ARHGAP28: variants seen among roughly 807,000 people sequenced by gnomAD.
ARHGAP28 encodes rho GTPase-activating protein 28.
Under a neutral mutation model 90.7 loss-of-function variants are expected in ARHGAP28, and 56 were observed. That is an observed-to-expected ratio of 0.62 (90% confidence interval 0.50 to 0.77). ARHGAP28 has a LOEUF of 0.77. Ranked by LOEUF, ARHGAP28 falls within the 30% of genes least tolerant of loss-of-function variation. The probability of loss-of-function intolerance (pLI) is 0.00; values close to 1 mark genes in which losing one functional copy is unlikely to be tolerated. For missense variants in ARHGAP28, 869 were observed against 900.9 expected, an observed-to-expected ratio of 0.96 and a Z score of 0.45; for synonymous variants, 308 against 323.3, an observed-to-expected ratio of 0.95 and a Z score of 0.51.
At position 6,742,377 on chromosome 18, in the gene ARHGAP28, C is replaced by A. The variant is rs554806506; in HGVS notation, c.122+12434C>A. On this transcript the variant is annotated intron_variant, in intron 1 of 17. Coordinates refer to ENST00000383472, the MANE Select transcript of ARHGAP28 (RefSeq NM_001366230.1). ...TAGAGATGGGGTTTCATCATGTTGG[C>A]CAGGCTGGCCTCGAACTGCTGACCT... 2.0e-5 allele frequency among the ~76,000 whole-genome samples: 3 copies of A among 152,032 alleles called. No individual in the cohort carries two copies. In the South Asian group the frequency reaches 6.2e-4, roughly 32 times the overall value.
chr18:6,852,274 T>C (rs1361105054), intron 4 of ARHGAP28, among the ~76,000 whole-genome samples: 1 of 152,176 alleles, frequency 6.6e-6, no homozygotes, highest in Non-Finnish European at 1.5e-5. Context: ...GAAACCTACC[T>C]TACAAATCAA....
chr18:6,749,355 T>A (rs1381018000), intron 1 of ARHGAP28, among the ~76,000 whole-genome samples: 1 of 152,248 alleles, frequency 6.6e-6, no homozygotes, highest in African/African-American at 2.4e-5. Flanking sequence ...GACAAAATGC[T>A]GGACTGGAGA....
chr18:6,853,309 T>C (rs77870981), intron 4 of ARHGAP28, among the ~76,000 whole-genome samples: 1,773 of 152,252 alleles, frequency 0.012, 36 homozygotes, highest in African/African-American at 0.04. Flanking sequence ...CCCTCTAGCA[T>C]TAACATCAAC....
At chr18:6,898,289 C>T (rs945605829) in intron 16 of ARHGAP28, 5 of 477,044 alleles carry the variant, frequency 1.0e-5, no homozygotes, top group South Asian at 4.6e-5. Flanking sequence ...TGGCCTCAAA[C>T]GTTTTTTTTC....
chr18:6,828,305 A>C (rs945162236), intron 2 of ARHGAP28, among the ~76,000 whole-genome samples: 9 of 152,150 alleles, frequency 5.9e-5, no homozygotes, highest in Non-Finnish European at 1.2e-4. Context: ...GCAGCAGTAC[A>C]GTCCAGCTTC....
intron 16 of ARHGAP28, among the ~76,000 whole-genome samples, chr18:6,900,479 C>T (rs1233621120): frequency 2.0e-5 from 3 of 152,062 alleles, no homozygotes; most frequent in Non-Finnish European, 4.4e-5. Context: ...AAAAATACAA[C>T]AAATGGAAAT....
chr18:6,742,459 C>A (rs771058646), intron 1 of ARHGAP28, among the ~76,000 whole-genome samples: 1 of 152,044 alleles, frequency 6.6e-6, no homozygotes, highest in Non-Finnish European at 1.5e-5. Context: ...CGTGAGCCAT[C>A]GTGCCCGGCC....
At position 6,858,114 on chromosome 18, in the gene ARHGAP28, A is replaced by C. The variant is rs1398802054; in HGVS notation, c.637-1694A>C. Among the ~76,000 whole-genome samples the C allele has an allele frequency of 3.3e-5, 5 of 152,176 alleles. No individual in the cohort carries two copies. The East Asian group carries it at 9.7e-4, about 29-fold the overall frequency. On this transcript the variant is annotated intron_variant, in intron 4 of 17. Transcript: ENST00000383472. ...CTGTACTCAAACTAGGAATTCATTC[A>C]TCCCCAAGGCAACAATTTCATTTAA...
At chr18:6,819,794 G>A (rs147578892) in intron 1 of ARHGAP28, among the ~76,000 whole-genome samples, 16 of 152,254 alleles carry the variant, frequency 1.1e-4, no homozygotes, top group African/African-American at 3.9e-4. Flanking sequence ...GTACACACAG[G>A]ACAGATCTCC....
At chr18:6,904,924 TAATATTA>T (rs2057357204) in intron 16 of ARHGAP28, among the ~76,000 whole-genome samples, 1 of 152,182 alleles carries the variant, frequency 6.6e-6, no homozygotes, top group Non-Finnish European at 1.5e-5. Flanking sequence ...ATTGAATCTA[TAATATTA>T]AAGTTTTTAA....
intron 1 of ARHGAP28, among the ~76,000 whole-genome samples, chr18:6,814,259 C>T (rs1039482878): frequency 6.6e-6 from 1 of 152,124 alleles, no homozygotes; most frequent in African/African-American, 2.4e-5. Flanking sequence ...GGAGGAAAGC[C>T]AGTCCCACTC....
intron 1 of ARHGAP28, among the ~76,000 whole-genome samples, chr18:6,822,085 C>CT (rs2056630763): frequency 1.3e-5 from 2 of 150,832 alleles, no homozygotes; most frequent in South Asian, 4.3e-4. Context: ...GTCAGGAAAA[C>CT]AAAGCAGTTT....
chr18:6,745,442 T>A (rs570945255), intron 1 of ARHGAP28, among the ~76,000 whole-genome samples: 4 of 152,300 alleles, frequency 2.6e-5, no homozygotes, highest in African/African-American at 9.6e-5. Flanking sequence ...TCTGAAGCCA[T>A]ACCCACAAAC....
rs918024791 is a variant in ARHGAP28, at chr18:6,871,774, C to T, written c.954+1042C>T. ...ACTTTTTGTACCAGGTGACTTGGAC[C>T]GTTCCCAAACAACCATCCCATGACA... On this transcript the variant is annotated intron_variant, in intron 7 of 17. Coordinates refer to ENST00000383472, the MANE Select transcript of ARHGAP28 (RefSeq NM_001366230.1). 7.9e-5 allele frequency among the ~76,000 whole-genome samples: 12 copies of T among 152,160 alleles called. 1 individual carries two copies. Among genetic ancestry groups the T allele is most frequent in the Middle Eastern group, 3.4e-3 (1 of 294 alleles).
Position 6,773,294 on chromosome 18 carries a change from G to A in ARHGAP28, c.122+43351G>A, listed in dbSNP as rs187375284. The stretch of plus-strand genomic sequence containing the variant: ...AATGAGGAAGTCAGACAGTACACAA[G>A]CAACAGATGCATACATAATGTAATT... On this transcript the variant is annotated intron_variant, in intron 1 of 17. Transcript: ENST00000383472. 4.9e-4 allele frequency among the ~76,000 whole-genome samples: 74 copies of A among 152,254 alleles called. 1 individual carries two copies. The Middle Eastern group carries it at 0.014, about 28-fold the overall frequency.
chr18:6,774,200 G>T (rs2056265637), intron 1 of ARHGAP28: 2 of 152,144 alleles, frequency 1.3e-5, no homozygotes, highest in Admixed American at 1.3e-4. Context: ...TCTTCCTCAA[G>T]AATATCATCC....
At chr18:6,853,133 G>A (rs1316157963) in intron 4 of ARHGAP28, among the ~76,000 whole-genome samples, 1 of 152,118 alleles carries the variant, frequency 6.6e-6, no homozygotes, top group South Asian at 2.1e-4. Context: ...GCATGCTCAG[G>A]TTGTGTGACC....
At chr18:6,741,248 AAC>A (rs1163626897) in intron 1 of ARHGAP28, among the ~76,000 whole-genome samples, 1 of 152,200 alleles carries the variant, frequency 6.6e-6, no homozygotes, top group Non-Finnish European at 1.5e-5. Flanking sequence ...TGTTTTGAAA[AAC>A]AGAGGATGCC....
At chr18:6,886,950 A>G (rs1238892124) in intron 11 of ARHGAP28, among the ~76,000 whole-genome samples, 3 of 152,172 alleles carry the variant, frequency 2.0e-5, no homozygotes, top group Non-Finnish European at 4.4e-5. Context: ...ACCTGCCTCA[A>G]CAATGGCATC....
Sources: gnomAD v4.1 joint callset for allele counts (sites outside exome capture counted in the v4.1 genomes callset) on GRCh38, gnomAD v4.1.1 for gene constraint, MANE v1.5 for transcripts, NCBI Gene and HGNC (gene_info 2026-07-23, HGNC 2026-07-21) for gene names.